Variants in BMP7 observed in about 807,000 individuals in gnomAD.
BMP7 encodes the protein bone morphogenetic protein 7.
BMP7 carries 12 observed loss-of-function variants against 41.2 expected under a neutral mutation model. The observed-to-expected ratio is 0.29, with a 90% CI of 0.19 to 0.47. The LOEUF is 0.47. Among genes scored for constraint, BMP7 ranks in the 20% least tolerant of loss-of-function variants. BMP7 has a pLI of 0.99. For missense variants in BMP7, 467 were observed against 606.0 expected (o/e 0.77, Z 2.41); for synonymous variants, 248 against 250.0 (o/e 0.99, Z 0.07).
Position 57,228,675 on chromosome 20 carries a change from G to GC in BMP7, c.419-255dup, listed in dbSNP as rs2066017541. On this transcript the variant is annotated intron_variant, in intron 1 of 6. Transcript: ENST00000395863. This position sits in a 1 kb window ranked among gnomAD's most constrained non-coding sequence, Gnocchi z 4.5. Reference sequence around the variant, plus strand: ...CATCCAACCTGCTGGGAAAAGTAGGGCACTAACCACAGCCATCCAAGAGGT... The same window carrying GC: ...CATCCAACCTGCTGGGAAAAGTAGGGCCACTAACCACAGCCATCCAAGAGGT... 6.6e-6 allele frequency among the ~76,000 whole-genome samples: 1 copy of GC among 152,166 alleles called. No individual in the cohort carries two copies. The highest frequency in any genetic ancestry group is 6.5e-5 in the Admixed American group (1 of 15,272).
intron 1 of BMP7, among the ~76,000 whole-genome samples, chr20:57,258,636 T>A (rs1395191027): frequency 6.6e-6 from 1 of 152,162 alleles, no homozygotes; most frequent in Non-Finnish European, 1.5e-5. Context: ...AGTAGTAAAA[T>A]CATTAAATAA....
chr20:57,220,554 T>G (rs1326583312), intron 2 of BMP7, among the ~76,000 whole-genome samples: 1 of 152,154 alleles, frequency 6.6e-6, no homozygotes. Flanking sequence ...AAGTGCCAAA[T>G]CAAGTTATCC....
chr20:57,202,627 C>A lies in BMP7; in HGVS notation c.612-4G>T. On this transcript the variant is annotated splice_polypyrimidine_tract_variant and splice_region_variant and intron_variant, in intron 2 of 6. Transcript: ENST00000395863. ...GAGCAGGAAGAGATCCGATTCCCTG[C>A]GAGAGAGGAGGAGAGACACGGGCTT... is the stretch of plus-strand genomic sequence containing the variant. 6.2e-7 allele frequency: 1 copy of A among 1,604,400 alleles called. No homozygotes were observed. The highest frequency in any genetic ancestry group is 1.1e-5 in the South Asian group (1 of 90,982).
At chr20:57,230,389 G>A (rs1023745602) in intron 1 of BMP7, among the ~76,000 whole-genome samples, 1 of 152,094 alleles carries the variant, frequency 6.6e-6, no homozygotes, top group African/African-American at 2.4e-5. Flanking sequence ...GGGCCTGACT[G>A]TGTCACCGTG....
intron 1 of BMP7, among the ~76,000 whole-genome samples, chr20:57,231,575 G>A (rs1354429816): frequency 6.6e-6 from 1 of 152,234 alleles, no homozygotes; most frequent in Non-Finnish European, 1.5e-5. Flanking sequence ...CAGGGGACCA[G>A]GAGCGGTGAA....
At chr20:57,186,467 T>C (rs1392362659) in intron 3 of BMP7, among the ~76,000 whole-genome samples, 1 of 152,080 alleles carries the variant, frequency 6.6e-6, no homozygotes, top group Non-Finnish European at 1.5e-5. Context: ...GGGTGATGAG[T>C]ATTTCAAAGC....
At chr20:57,233,038 C>A (rs1800653082) in intron 1 of BMP7, among the ~76,000 whole-genome samples, 1 of 152,138 alleles carries the variant, frequency 6.6e-6, no homozygotes, top group Admixed American at 6.6e-5. Flanking sequence ...GAATTGTTAC[C>A]ACTACAAGAG....
At position 57,259,723 on chromosome 20, in the gene BMP7, TAA is replaced by T. The variant is rs1279648733; in HGVS notation, c.418+5980_418+5981del. On this transcript the variant is annotated intron_variant, in intron 1 of 6. Coordinates refer to ENST00000395863, the MANE Select transcript of BMP7 (RefSeq NM_001719.3). This position sits in a 1 kb window ranked among gnomAD's most constrained non-coding sequence, Gnocchi z 4.7. ...TGCACATGCTTGCCTGAGTTTCGCA[TAA>T]GTAAGTGTCAAACTTCATGCACTCT... Among the ~76,000 whole-genome samples, 1 of 152,166 alleles carries T rather than the reference TAA, an allele frequency of 6.6e-6. No homozygotes were observed. The highest frequency in any genetic ancestry group is 1.5e-5 in the Non-Finnish European group (1 of 68,024).
At chr20:57,225,998 C>T (rs115676934) in intron 2 of BMP7, 6 of 467,496 alleles carry the variant, frequency 1.3e-5, no homozygotes, top group East Asian at 1.4e-4. Context: ...AGCCCAGAAG[C>T]CCCCAGGAGC....
chr20:57,202,909 G>A (rs1984657027), intron 2 of BMP7, among the ~76,000 whole-genome samples: 1 of 152,204 alleles, frequency 6.6e-6, no homozygotes, highest in Admixed American at 6.5e-5. Flanking sequence ...GCGGGACAGA[G>A]TATAGGAAGA....
intron 1 of BMP7, among the ~76,000 whole-genome samples, chr20:57,265,495 C>G (rs2066173023): frequency 6.6e-6 from 1 of 152,264 alleles, no homozygotes; most frequent in South Asian, 2.1e-4. Flanking sequence ...CCCAGTAACC[C>G]CTACAGGCTC....
intron 3 of BMP7, among the ~76,000 whole-genome samples, chr20:57,195,659 C>T (rs903789980): frequency 6.6e-6 from 1 of 152,254 alleles, no homozygotes; most frequent in African/African-American, 2.4e-5. Context: ...CCGCCGCAGG[C>T]GAGTGGCTCA....
Position 57,213,468 on chromosome 20 carries a change from A to G in BMP7, c.612-10845T>C, listed in dbSNP as rs1324863932. 6.6e-6 allele frequency among the ~76,000 whole-genome samples: 1 copy of G among 152,238 alleles called. No individual in the cohort carries two copies. The highest frequency in any genetic ancestry group is 1.5e-5 in the Non-Finnish European group (1 of 68,046). ...ACACATTGCTCCTTAGAGATGTCAT[A>G]ATGCACCTTAGCTCTTTAAAGGCTC... On this transcript the variant is annotated intron_variant, in intron 2 of 6. Coordinates refer to ENST00000395863, the MANE Select transcript of BMP7 (RefSeq NM_001719.3). The surrounding 1 kb of genome is among the most constrained non-coding windows in gnomAD (Gnocchi z 4.4).
Position 57,170,707 on chromosome 20 carries a change from T to G in BMP7, c.*252A>C, listed in dbSNP as rs1983796769. The G allele has an allele frequency of 8.4e-6, 4 of 474,382 alleles. No individual in the cohort carries two copies. The highest frequency in any genetic ancestry group is 2.0e-5 in the African/African-American group (1 of 50,560). 29.4% of individuals were successfully genotyped at this position (474,382 alleles called of 1,614,324 possible). ...ATGACCTGGCCCGGCCATTTTTCTT[T>G]ATGCGTTGTTTTTTTTTCCTGCTAG... On this transcript the variant is annotated 3_prime_UTR_variant, in exon 7 of 7. Transcript: ENST00000395863.
chr20:57,187,746 C>G (rs559834476), intron 3 of BMP7, among the ~76,000 whole-genome samples: 1 of 152,280 alleles, frequency 6.6e-6, no homozygotes, highest in South Asian at 2.1e-4. Flanking sequence ...GCCCTGAAGC[C>G]CGCATTCTCA....
chr20:57,245,959 T>A (rs978455469), intron 1 of BMP7, among the ~76,000 whole-genome samples: 1 of 152,318 alleles, frequency 6.6e-6, no homozygotes, highest in East Asian at 1.9e-4. Flanking sequence ...TTTAACAGTA[T>A]TATTGTACAA....
chr20:57,216,263 G>T (rs934460772), intron 2 of BMP7, among the ~76,000 whole-genome samples: 3 of 152,192 alleles, frequency 2.0e-5, no homozygotes, highest in African/African-American at 7.2e-5. Flanking sequence ...GCCCTGTGTG[G>T]TTGACACTTG....
At chr20:57,197,614 T>C (rs926819514) in intron 3 of BMP7, among the ~76,000 whole-genome samples, 2 of 152,172 alleles carry the variant, frequency 1.3e-5, no homozygotes, top group Non-Finnish European at 2.9e-5. Flanking sequence ...CTATAAAATG[T>C]TGGTGATATC....
rs377086285 is a variant in BMP7 at position 57,225,600 on chromosome 20, A to G, written c.611+2629T>C. 2.0e-5 allele frequency among the ~76,000 whole-genome samples: 3 copies of G among 152,342 alleles called. No individual in the cohort carries two copies. In the East Asian group the frequency reaches 5.8e-4, roughly 29 times the overall value. Reference sequence around the variant, plus strand: ...CAAGGCCACATGGGTAGCTGGTGGCAGGATTTGAATCCATGCTCTTAATAG... The same window carrying G: ...CAAGGCCACATGGGTAGCTGGTGGCGGGATTTGAATCCATGCTCTTAATAG... On this transcript the variant is annotated intron_variant, in intron 2 of 6. Transcript: ENST00000395863.
Sources: allele counts gnomAD v4.1 joint callset (sites outside exome capture counted in the v4.1 genomes callset), GRCh38; gene constraint gnomAD v4.1.1; non-coding constraint Gnocchi (gnomAD v3.1); transcripts MANE v1.5; gene names NCBI Gene and HGNC (gene_info 2026-07-23, HGNC 2026-07-21).